Variants in COG3 observed in about 807,000 individuals in gnomAD.
The protein encoded by COG3 is conserved oligomeric Golgi complex subunit 3.
Under a neutral mutation model 114.1 loss-of-function variants are expected in COG3, and 32 were observed. That is an observed-to-expected ratio of 0.28 (90% confidence interval 0.21 to 0.38). The LOEUF (loss-of-function observed/expected upper bound fraction) is 0.38. Ranked by LOEUF, COG3 falls within the 10% of genes least tolerant of loss-of-function variation. COG3 has a pLI of 1.00. For synonymous variants in COG3, 352 were observed against 365.7 expected, an observed-to-expected ratio of 0.96 and a Z score of 0.43; for missense variants, 813 against 973.2, an observed-to-expected ratio of 0.84 and a Z score of 2.19.
chr13:45,522,944 C>G (rs1396903315), intron 19 of COG3, among the ~76,000 whole-genome samples: 1 of 152,186 alleles, frequency 6.6e-6, no homozygotes, highest in Non-Finnish European at 1.5e-5. Context: ...GATCCTGCAA[C>G]TGCGTCTGCC....
intron 14 of COG3, among the ~76,000 whole-genome samples, chr13:45,506,807 G>C (rs1438041848): frequency 1.3e-5 from 2 of 152,218 alleles, no homozygotes; most frequent in Non-Finnish European, 2.9e-5. Flanking sequence ...GAGAGAATGA[G>C]AAGCCTCTGA....
chr13:45,490,058 A>G (rs1022698915), intron 8 of COG3, among the ~76,000 whole-genome samples: 4 of 152,140 alleles, frequency 2.6e-5, no homozygotes. Flanking sequence ...ACTCTATAAC[A>G]TTACCAAAAT....
chr13:45,482,421 T>C lies in COG3; in HGVS notation c.665T>C (p.Phe222Ser), dbSNP rs760978071. 1 of 1,579,758 alleles carries C rather than the reference T, an allele frequency of 6.3e-7. No individual in the cohort carries two copies. Among genetic ancestry groups the C allele is most frequent in the Admixed American group, 1.7e-5 (1 of 58,644 alleles). Residue 222 changes from phenylalanine to serine, a missense_variant, in exon 6 of 23, where the codon TTT becomes TCT. This residue lies in a region of COG3 where 424 missense variants were observed against 430.6 expected (regional missense o/e 0.98). Transcript: ENST00000349995. The stretch of plus-strand genomic sequence containing the variant: ...ACATTGTCGGTGAATAGTGACGGAT[T>C]TATACCTATGCTGGCCAAGTTAGAT... ...SPTLSVNSDG[F>S]IPMLAKLDDC...
At chr13:45,488,481 T>C (rs1275567996) in intron 8 of COG3, among the ~76,000 whole-genome samples, 1 of 152,176 alleles carries the variant, frequency 6.6e-6, no homozygotes, top group African/African-American at 2.4e-5. Context: ...ATATCACATG[T>C]ACCCCATAAA....
intron 7 of COG3, among the ~76,000 whole-genome samples, chr13:45,484,134 G>A (rs936170008): frequency 6.6e-6 from 1 of 152,162 alleles, no homozygotes; most frequent in African/African-American, 2.4e-5. Flanking sequence ...TCTAAAGAAC[G>A]TGGAGTGTCT....
intron 17 of COG3, 96 bp from the exon 18 acceptor site, chr13:45,518,665 CT>C (rs751570527): frequency 1.1e-6 from 1 of 871,106 alleles, no homozygotes; most frequent in Non-Finnish European, 1.8e-6. Flanking sequence ...GGTGAATTGG[CT>C]TTTTGCCTTG....
intron 1 of COG3, among the ~76,000 whole-genome samples, chr13:45,472,261 G>T (rs1176664300): frequency 6.6e-6 from 1 of 151,954 alleles, no homozygotes; most frequent in Non-Finnish European, 1.5e-5. Context: ...TTTTATCTTT[G>T]GTTTTTGAAA....
At chr13:45,526,678 G>A (rs1025072231) in intron 20 of COG3, among the ~76,000 whole-genome samples, 6 of 152,316 alleles carry the variant, frequency 3.9e-5, no homozygotes, top group Admixed American at 6.5e-5. Context: ...AACGTTCGTT[G>A]TGAAATACGT....
chr13:45,472,865 G>A (rs1885608506), intron 1 of COG3, among the ~76,000 whole-genome samples: 1 of 152,070 alleles, frequency 6.6e-6, no homozygotes, highest in African/African-American at 2.4e-5. Flanking sequence ...TCTCTTGACT[G>A]AGTTGTTTTC....
chr13:45,485,095 C>T (rs1190201136), intron 7 of COG3, among the ~76,000 whole-genome samples: 6 of 146,662 alleles, frequency 4.1e-5, no homozygotes, highest in East Asian at 2.1e-4. Context: ...CATCCTGGCC[C>T]GTTCTCAATG....
At chr13:45,524,051 A>C (rs978226523) in intron 19 of COG3, among the ~76,000 whole-genome samples, 4 of 152,132 alleles carry the variant, frequency 2.6e-5, no homozygotes, top group African/African-American at 9.7e-5. Flanking sequence ...CAGGAGGAGA[A>C]ATAGAAACTA....
At position 45,464,942 on chromosome 13, in the gene COG3, G is replaced by C. The variant is rs945910145; in HGVS notation, c.-95G>C. ...TCCGTCCCGCCCCGCCGCCGGTGCA[G>C]TGTTGGAAGCTCCGGTTCTCCCGGA... On this transcript the variant is annotated 5_prime_UTR_variant, in exon 1 of 23. Coordinates refer to ENST00000349995, the MANE Select transcript of COG3 (RefSeq NM_031431.4). 6.8e-7 allele frequency: 1 copy of C among 1,464,086 alleles called. No individual in the cohort carries two copies. Among genetic ancestry groups the C allele is most frequent in the Non-Finnish European group, 9.0e-7 (1 of 1,115,184 alleles). The allele number at this position is 1,464,086 out of a possible 1,614,324, so 90.7% of individuals were successfully genotyped here.
At chr13:45,502,750 A>G (rs952942265) in intron 13 of COG3, among the ~76,000 whole-genome samples, 9 of 152,118 alleles carry the variant, frequency 5.9e-5, no homozygotes, top group African/African-American at 1.7e-4. Flanking sequence ...ACTGTACCCA[A>G]TATGGAGTCT....
intron 1 of COG3, among the ~76,000 whole-genome samples, chr13:45,468,298 G>T (rs1453648339): frequency 6.6e-6 from 1 of 152,178 alleles, no homozygotes; most frequent in Non-Finnish European, 1.5e-5. Context: ...ATAGGGAATT[G>T]TGAGAATTAT....
intron 1 of COG3, among the ~76,000 whole-genome samples, chr13:45,470,910 AGT>A (rs1436725460): frequency 6.6e-6 from 1 of 152,248 alleles, no homozygotes; most frequent in African/African-American, 2.4e-5. Context: ...TTCAGTAGAA[AGT>A]GTACCTGTGG....
intron 17 of COG3, among the ~76,000 whole-genome samples, chr13:45,516,602 A>C (rs1026642176): frequency 6.6e-6 from 1 of 152,238 alleles, no homozygotes; most frequent in Non-Finnish European, 1.5e-5. Context: ...GATTTTAAGC[A>C]CTGAGTTGAG....
intron 19 of COG3, among the ~76,000 whole-genome samples, chr13:45,523,149 G>GT (rs68132374): frequency 5.7e-4 from 81 of 143,356 alleles, no homozygotes; most frequent in Middle Eastern, 3.6e-3. Flanking sequence ...GCTTAAAAGT[G>GT]TTTTTTTTTT....
chr13:45,472,741 CT>C (rs1490941643), intron 1 of COG3, among the ~76,000 whole-genome samples: 1 of 152,116 alleles, frequency 6.6e-6, no homozygotes, highest in African/African-American at 2.4e-5. Flanking sequence ...GTTTATACTT[CT>C]TATCTGTGTG....
At chr13:45,491,677 G>A in intron 10 of COG3, 139 bp downstream of exon 10, 1 of 756,320 alleles carries the variant, frequency 1.3e-6, no homozygotes, top group Non-Finnish European at 2.0e-6. Context: ...GACAAATCTA[G>A]TTTGGTAATT....
Sources: allele counts gnomAD v4.1 joint callset (sites outside exome capture counted in the v4.1 genomes callset), GRCh38; gene constraint gnomAD v4.1.1; regional missense constraint gnomAD v4.1.1; transcripts MANE v1.5; gene names NCBI Gene and HGNC (gene_info 2026-07-23, HGNC 2026-07-21).